The following SETBP1 variants were observed in gnomAD, a reference collection of about 807,000 sequenced individuals.
SETBP1 encodes SET-binding protein.
Under a neutral mutation model 101.0 loss-of-function variants are expected in SETBP1, and 9 were observed. The observed-to-expected ratio is 0.09, with a 90% CI of 0.05 to 0.16. The LOEUF is 0.16. Among genes scored for constraint, SETBP1 ranks in the 10% least tolerant of loss-of-function variants. The pLI is 1.00. For synonymous variants in SETBP1, 818 were observed against 788.5 expected, an observed-to-expected ratio of 1.04 and a Z score of -0.63; for missense variants, 1,858 against 2,033.8, an observed-to-expected ratio of 0.91 and a Z score of 1.66.
At chr18:45,031,860 G>A (rs995503355) in intron 4 of SETBP1, among the ~76,000 whole-genome samples, 2 of 152,118 alleles carry the variant, frequency 1.3e-5, no homozygotes, top group Non-Finnish European at 2.9e-5. Flanking sequence ...ATGGGAAGGA[G>A]GCCTGAACTC....
intron 4 of SETBP1, among the ~76,000 whole-genome samples, chr18:45,013,659 C>A (rs922571317): frequency 1.3e-5 from 2 of 152,124 alleles, no homozygotes; most frequent in Non-Finnish European, 2.9e-5. Context: ...AGACTGGTCT[C>A]GAACTCCTGA....
intron 4 of SETBP1, among the ~76,000 whole-genome samples, chr18:45,018,917 G>A (rs2073003307): frequency 2.0e-5 from 3 of 152,200 alleles, no homozygotes; most frequent in Admixed American, 1.3e-4. Context: ...TTAGGAATGA[G>A]CAGGAAGGAA....
chr18:44,922,062 T>G (rs2070594246), intron 3 of SETBP1, among the ~76,000 whole-genome samples: 1 of 152,192 alleles, frequency 6.6e-6, no homozygotes, highest in African/African-American at 2.4e-5. Context: ...TGTATAAGCA[T>G]AAGAGATACC....
intron 2 of SETBP1, among the ~76,000 whole-genome samples, chr18:44,808,438 G>A (rs1462113651): frequency 2.0e-5 from 3 of 152,164 alleles, no homozygotes; most frequent in Admixed American, 6.5e-5. Context: ...TTTCAGAGTT[G>A]GGAAAGGTCA....
At chr18:45,053,872 G>C (rs1231789996) in intron 5 of SETBP1, among the ~76,000 whole-genome samples, 1 of 152,038 alleles carries the variant, frequency 6.6e-6, no homozygotes, top group Non-Finnish European at 1.5e-5. Flanking sequence ...TTATGGTTAA[G>C]GATAAAGTGA....
In SETBP1 at chr18:44,785,473, T is replaced by C. The variant is rs192515778; in HGVS notation, c.486+83641T>C. ...CTTAATTGTATTGTTTTTCTTTTTTTATTCTTCTGTGAAGCAAATTTGCTT... is the reference window on the plus strand; with the variant it reads ...CTTAATTGTATTGTTTTTCTTTTTTCATTCTTCTGTGAAGCAAATTTGCTT... On this transcript the variant is annotated intron_variant, in intron 2 of 5. Coordinates refer to ENST00000649279, the MANE Select transcript of SETBP1 (RefSeq NM_015559.3). 2.0e-5 allele frequency among the ~76,000 whole-genome samples: 3 copies of C among 152,338 alleles called. No homozygotes were observed. In the East Asian group the frequency reaches 5.8e-4, roughly 29 times the overall value.
chr18:44,819,034 T>C (rs1037641420), intron 2 of SETBP1, among the ~76,000 whole-genome samples: 45 of 151,980 alleles, frequency 3.0e-4, no homozygotes, highest in African/African-American at 1.0e-3. Flanking sequence ...ACTTTAATGG[T>C]TTACTATTAT....
chr18:44,741,982 G>A (rs1888312551), intron 2 of SETBP1, among the ~76,000 whole-genome samples: 1 of 152,198 alleles, frequency 6.6e-6, no homozygotes, highest in South Asian at 2.1e-4. Flanking sequence ...CGGAGGTGGA[G>A]GTGGGTGCAG....
chr18:44,963,855 A>G (rs1002448981), intron 4 of SETBP1, among the ~76,000 whole-genome samples: 7 of 142,250 alleles, frequency 4.9e-5, no homozygotes, highest in Admixed American at 1.5e-4. Flanking sequence ...GTGCCACTAC[A>G]TGACACTGAA....
chr18:44,918,641 G>T (rs933874453), intron 3 of SETBP1, among the ~76,000 whole-genome samples: 7 of 152,196 alleles, frequency 4.6e-5, no homozygotes, highest in Admixed American at 1.3e-4. Context: ...ATCCTCAAAG[G>T]TCCTTTCCAA....
intron 4 of SETBP1, among the ~76,000 whole-genome samples, chr18:45,003,483 C>T (rs965704769): frequency 1.3e-5 from 2 of 152,166 alleles, no homozygotes; most frequent in Non-Finnish European, 2.9e-5. Flanking sequence ...CAGTCTATGC[C>T]ACCCAACACC....
intron 4 of SETBP1, among the ~76,000 whole-genome samples, chr18:44,964,545 C>T (rs2071680353): frequency 6.6e-6 from 1 of 151,418 alleles, no homozygotes; most frequent in Non-Finnish European, 1.5e-5. Context: ...GATTCCCCAT[C>T]TATAAACCTA....
chr18:44,759,620 CT>C (rs1057178967), intron 2 of SETBP1, among the ~76,000 whole-genome samples: 1 of 152,102 alleles, frequency 6.6e-6, no homozygotes, highest in African/African-American at 2.4e-5. Context: ...GGGAGAGAAG[CT>C]TTATAATTCA....
chr18:44,929,451 G>GT (rs992324900), intron 3 of SETBP1, among the ~76,000 whole-genome samples: 342 of 152,276 alleles, frequency 2.2e-3, no homozygotes, highest in African/African-American at 7.9e-3. Flanking sequence ...CTTTAAAGTA[G>GT]TTTTTTCCAA....
chr18:44,756,371 C>T (rs377107083), intron 2 of SETBP1, among the ~76,000 whole-genome samples: 31 of 152,340 alleles, frequency 2.0e-4, no homozygotes, highest in Middle Eastern at 3.4e-3. Context: ...GGAACACTTT[C>T]AAGTAGGACA....
chr18:44,849,697 G>T (rs940786046), intron 2 of SETBP1, among the ~76,000 whole-genome samples: 1 of 150,962 alleles, frequency 6.6e-6, no homozygotes, highest in African/African-American at 2.4e-5. Context: ...AGAGAGAGGA[G>T]TTCAGCTCTC....
At chr18:44,924,944 C>G (rs2144952799) in intron 3 of SETBP1, among the ~76,000 whole-genome samples, 1 of 151,396 alleles carries the variant, frequency 6.6e-6, no homozygotes, top group African/African-American at 2.4e-5. Flanking sequence ...ATAGGCGTGT[C>G]CAGCTTAGGC....
chr18:44,680,699 G>A (rs2144069828), upstream of SETBP1, among the ~76,000 whole-genome samples: 1 of 152,150 alleles, frequency 6.6e-6, no homozygotes, highest in East Asian at 2.0e-4. Flanking sequence ...GCTTTGGGCT[G>A]GAGGGCTGGG....
At chr18:44,700,638 A>T (rs1211511002) in intron 1 of SETBP1, among the ~76,000 whole-genome samples, 1 of 152,168 alleles carries the variant, frequency 6.6e-6, no homozygotes, top group African/African-American at 2.4e-5. Flanking sequence ...CATAGTGAAA[A>T]ATGATAAAGG....
Sources: allele counts gnomAD v4.1 joint callset (sites outside exome capture counted in the v4.1 genomes callset), GRCh38; gene constraint gnomAD v4.1.1; transcripts MANE v1.5; gene names NCBI Gene and HGNC (gene_info 2026-07-23, HGNC 2026-07-21).